SLC4A10: variants seen among roughly 807,000 people sequenced by gnomAD.
SLC4A10 encodes solute carrier family 4 member 10, also known as sodium-driven chloride bicarbonate exchanger.
A neutral mutation model predicts 137.7 loss-of-function variants in SLC4A10; 42 were observed. That is an observed-to-expected ratio of 0.30 (90% CI 0.24 to 0.39). The LOEUF (loss-of-function observed/expected upper bound fraction) is 0.39. Among genes scored for constraint, SLC4A10 ranks in the 10% least tolerant of loss-of-function variants. The pLI, the probability that SLC4A10 is intolerant of heterozygous loss-of-function variation, is 1.00. For synonymous variants in SLC4A10, 474 were observed against 464.1 expected, an observed-to-expected ratio of 1.02 and a Z score of -0.27; for missense variants, 925 against 1,355.0, an observed-to-expected ratio of 0.68 and a Z score of 4.98.
chr2:161,866,651 G>A (rs1340717932), intron 6 of SLC4A10, among the ~76,000 whole-genome samples: 1 of 151,750 alleles, frequency 6.6e-6, no homozygotes, highest in South Asian at 2.1e-4. Flanking sequence ...AAAGGGTATG[G>A]GTGGTAAAGC....
intron 16 of SLC4A10, among the ~76,000 whole-genome samples, chr2:161,946,190 A>G (rs1366466909): frequency 6.6e-6 from 1 of 152,002 alleles, no homozygotes; most frequent in Non-Finnish European, 1.5e-5. Context: ...TAACATGAAT[A>G]ATTGGAATTT....
chr2:161,789,939 G>A (rs927836634), intron 2 of SLC4A10, among the ~76,000 whole-genome samples: 10 of 152,106 alleles, frequency 6.6e-5, no homozygotes, highest in African/African-American at 2.4e-4. Flanking sequence ...TGTGGAGAAT[G>A]AATTAATCCT....
At chr2:161,879,389 A>T in intron 9 of SLC4A10, 101 bp downstream of exon 9, 1 of 1,245,220 alleles carries the variant, frequency 8.0e-7, no homozygotes, top group East Asian at 2.4e-5. Flanking sequence ...TTTGACTAGA[A>T]ACTAATGTGA....
chr2:161,965,292 A>G, intron 23 of SLC4A10, 119 bp downstream of exon 23: 1 of 981,502 alleles, frequency 1.0e-6, no homozygotes, highest in South Asian at 1.8e-5. Context: ...GTGATCACTA[A>G]CAACCACAAG....
intron 1 of SLC4A10, among the ~76,000 whole-genome samples, chr2:161,659,140 T>C (rs964309157): frequency 6.6e-6 from 1 of 152,144 alleles, no homozygotes; most frequent in Non-Finnish European, 1.5e-5. Flanking sequence ...ATAGCAAAGA[T>C]ATGGAATCAA....
intron 2 of SLC4A10, among the ~76,000 whole-genome samples, chr2:161,776,948 A>G (rs2052420764): frequency 6.7e-6 from 1 of 150,346 alleles, no homozygotes. Context: ...TTTGATTTGC[A>G]TTTCCCTAAT....
Position 161,950,817 on chromosome 2 carries a change from T to G in SLC4A10, c.2510T>G (p.Val837Gly). The G allele has an allele frequency of 6.2e-7, 1 of 1,605,800 alleles. No individual in the cohort carries two copies. Among genetic ancestry groups the G allele is most frequent in the Non-Finnish European group, 8.5e-7 (1 of 1,175,722 alleles). Reference protein sequence around the residue: ...LIFMDQQITAVIINRKEHKLK... With the variant: ...LIFMDQQITAGIINRKEHKLK... ...TTTATGGACCAACAGATTACAGCTG[T>G]CATCATCAACAGGAAAGAGCATAAG... Residue 837 changes from valine to glycine, a missense_variant, in exon 19 of 27, where the codon GTC (valine) becomes GGC (glycine). By Grantham distance (109) the Val-to-Gly change is moderately radical. Around this residue, in one of 11 missense-constraint regions of SLC4A10, gnomAD observed 82 missense variants for 151.4 expected, o/e 0.54. Coordinates refer to ENST00000446997, the MANE Select transcript of SLC4A10 (RefSeq NM_001178015.2).
At chr2:161,905,539 T>G in intron 14 of SLC4A10, 103 bp from the exon 15 acceptor site, 1 of 1,454,996 alleles carries the variant, frequency 6.9e-7, no homozygotes, top group South Asian at 1.4e-5. Flanking sequence ...GTGAAGCTTA[T>G]TTACTTTCAC....
At chr2:161,963,413 C>T (rs1050970244) in intron 21 of SLC4A10, among the ~76,000 whole-genome samples, 1 of 151,928 alleles carries the variant, frequency 6.6e-6, no homozygotes, top group African/African-American at 2.4e-5. Flanking sequence ...CGTGACAGTG[C>T]TGTATATAAA....
chr2:161,801,267 A>G (rs1019115637), intron 2 of SLC4A10, among the ~76,000 whole-genome samples: 2 of 151,098 alleles, frequency 1.3e-5, no homozygotes, highest in Admixed American at 6.6e-5. Flanking sequence ...CTTTATTTGT[A>G]TTTTTCTCTG....
chr2:161,806,431 C>A (rs2055967889), intron 3 of SLC4A10, among the ~76,000 whole-genome samples: 1 of 152,136 alleles, frequency 6.6e-6, no homozygotes, highest in South Asian at 2.1e-4. Context: ...TGTCAGGCTG[C>A]AAATTTTCTG....
At chr2:161,742,603 G>A (rs1247356973) in intron 1 of SLC4A10, among the ~76,000 whole-genome samples, 3 of 151,652 alleles carry the variant, frequency 2.0e-5, no homozygotes, top group Non-Finnish European at 2.9e-5. Context: ...ACCAGACCTG[G>A]CTTTTTTTGT....
intron 16 of SLC4A10, among the ~76,000 whole-genome samples, chr2:161,943,509 G>A (rs1693137075): frequency 6.6e-6 from 1 of 151,836 alleles, no homozygotes; most frequent in Non-Finnish European, 1.5e-5. Context: ...TCTACTTTGT[G>A]ATTTCTTTTT....
chr2:161,803,133 C>T (rs2055549290), intron 2 of SLC4A10, among the ~76,000 whole-genome samples: 1 of 151,928 alleles, frequency 6.6e-6, no homozygotes, highest in South Asian at 2.1e-4. Context: ...CACAAATATC[C>T]CTTTGTTTGC....
chr2:161,728,183 T>C (rs959704431), intron 1 of SLC4A10, among the ~76,000 whole-genome samples: 2 of 152,206 alleles, frequency 1.3e-5, no homozygotes, highest in African/African-American at 4.8e-5. Flanking sequence ...TTGAAAATTA[T>C]ATACTACCAA....
At chr2:161,636,183 A>G (rs577952908) in intron 1 of SLC4A10, among the ~76,000 whole-genome samples, 4 of 152,110 alleles carry the variant, frequency 2.6e-5, no homozygotes, top group Non-Finnish European at 5.9e-5. Flanking sequence ...AAATTTCTTT[A>G]TCATACACAT....
At chr2:161,973,691 T>C (rs1438479842) in intron 23 of SLC4A10, among the ~76,000 whole-genome samples, 2 of 152,156 alleles carry the variant, frequency 1.3e-5, no homozygotes, top group African/African-American at 4.8e-5. Context: ...TTAAATATGG[T>C]CACCAGACCA....
Position 161,660,554 on chromosome 2 carries a change from ATATT to A in SLC4A10, c.48+35990_48+35993del, listed in dbSNP as rs1183963887. Among the ~76,000 whole-genome samples, 9 of 133,438 alleles carry A rather than the reference ATATT, an allele frequency of 6.7e-5. No individual in the cohort carries two copies. The East Asian group carries it at 1.8e-3, about 27-fold the overall frequency. The allele number at this position is 133,438 out of a possible 152,430, so 87.5% of individuals were successfully genotyped here. A position where few individuals can be genotyped will look rare whatever the true frequency, so the allele number is the denominator to read the frequency against. On this transcript the variant is annotated intron_variant, in intron 1 of 26. Transcript: ENST00000446997. ...ACATTAATAGTTTGTGTACTCATCT[ATATT>A]TCTTTCTTTCTTTCTTTCTTTCTTT...
At chr2:161,646,833 T>C (rs1216617594) in intron 1 of SLC4A10, among the ~76,000 whole-genome samples, 1 of 152,080 alleles carries the variant, frequency 6.6e-6, no homozygotes, top group Non-Finnish European at 1.5e-5. Context: ...AAAGCCTTGC[T>C]ACTATAATAG....
Sources: allele counts gnomAD v4.1 joint callset (sites outside exome capture counted in the v4.1 genomes callset), GRCh38; gene constraint gnomAD v4.1.1; regional missense constraint gnomAD v4.1.1; transcripts MANE v1.5; gene names NCBI Gene and HGNC (gene_info 2026-07-23, HGNC 2026-07-21).